The following COG5 variants were observed in gnomAD, a reference collection of about 807,000 sequenced individuals.
COG5 encodes the protein component of oligomeric golgi complex 5.
COG5 carries 86 observed loss-of-function variants against 110.4 expected under a neutral mutation model. The ratio of observed to expected loss-of-function variants is 0.78; its 90% CI spans 0.65 to 0.93. The LOEUF is 0.93. Ranked by LOEUF, COG5 falls within the 40% of genes least tolerant of loss-of-function variation. The pLI is 0.00. For missense variants in COG5, 1,077 were observed against 987.0 expected, an observed-to-expected ratio of 1.09 and a Z score of -1.22; for synonymous variants, 360 against 334.6, an observed-to-expected ratio of 1.08 and a Z score of -0.83.
chr7:107,298,338 A>G lies in COG5; in HGVS notation c.1117T>C (p.Phe373Leu). 1 of 1,612,724 alleles carries G rather than the reference A, an allele frequency of 6.2e-7. No individual in the cohort carries two copies. The highest frequency in any genetic ancestry group is 1.1e-5 in the South Asian group (1 of 91,010). Residue 373 changes from phenylalanine to leucine, a missense_variant, in exon 12 of 22, where the codon TTT (phenylalanine) becomes CTT (leucine). Coordinates refer to ENST00000297135, the MANE Select transcript of COG5 (RefSeq NM_006348.5). ...QFHMATNSSM[F>L]LKQAFEGEYP... is the part of the protein sequence containing the mutation. ...TCTCCTTCAAATGCCTGCTTCAAAA[A>G]CATCGAAGCTGCCAAGCAAAACAAG...
At chr7:107,340,614 T>C (rs572802088) in intron 10 of COG5, among the ~76,000 whole-genome samples, 5 of 151,984 alleles carry the variant, frequency 3.3e-5, no homozygotes, top group Non-Finnish European at 7.4e-5. Flanking sequence ...CTGATAAACA[T>C]AGATGTAAAA....
intron 6 of COG5, among the ~76,000 whole-genome samples, chr7:107,502,450 T>C (rs1206189728): frequency 6.6e-6 from 1 of 152,166 alleles, no homozygotes; most frequent in East Asian, 1.9e-4. Context: ...GTTCCATATC[T>C]TTGAAATTGT....
At chr7:107,348,334 G>A (rs1224075328) in intron 10 of COG5, among the ~76,000 whole-genome samples, 1 of 151,986 alleles carries the variant, frequency 6.6e-6, no homozygotes, top group East Asian at 1.9e-4. Flanking sequence ...TTCACAGAAA[G>A]AGTTGGGCAA....
intron 8 of COG5, among the ~76,000 whole-genome samples, chr7:107,371,016 G>A (rs1418784441): frequency 4.0e-5 from 6 of 151,626 alleles, no homozygotes; most frequent in South Asian, 4.2e-4. Flanking sequence ...CATTCTTGAC[G>A]ACACAAGGGG....
intron 11 of COG5, among the ~76,000 whole-genome samples, chr7:107,308,772 C>T (rs1236784007): frequency 2.0e-5 from 3 of 152,064 alleles, no homozygotes; most frequent in Non-Finnish European, 4.4e-5. Context: ...TTATTTGTAT[C>T]ACTATGAATG....
chr7:107,381,373 T>C (rs990396481), intron 7 of COG5, among the ~76,000 whole-genome samples: 3 of 152,350 alleles, frequency 2.0e-5, no homozygotes, highest in African/African-American at 7.2e-5. Flanking sequence ...ATGTTCAGTC[T>C]TCTTTAGGTT....
At chr7:107,307,264 T>C (rs1299721128) in intron 11 of COG5, among the ~76,000 whole-genome samples, 1 of 152,186 alleles carries the variant, frequency 6.6e-6, no homozygotes, top group Non-Finnish European at 1.5e-5. Context: ...TTGATTTCTG[T>C]TGATCACTCT....
chr7:107,496,899 C>G (rs924699926), intron 6 of COG5, among the ~76,000 whole-genome samples: 4 of 151,998 alleles, frequency 2.6e-5, no homozygotes, highest in Non-Finnish European at 5.9e-5. Context: ...AGACTGAAAG[C>G]TTTTTCCCTA....
At chr7:107,445,520 G>C (rs7787113) in intron 6 of COG5, among the ~76,000 whole-genome samples, 232 of 152,016 alleles carry the variant, frequency 1.5e-3, no homozygotes, top group Middle Eastern at 3.4e-3. Flanking sequence ...GGTTTACTGT[G>C]AATCCATTTT....
intron 16 of COG5, 24 bp downstream of exon 16, chr7:107,256,708 G>T (rs759421944): frequency 1.3e-6 from 2 of 1,539,188 alleles, no homozygotes; most frequent in South Asian, 2.3e-5. Flanking sequence ...TTGATCTATA[G>T]AGTCAAAGAT....
chr7:107,425,236 T>G (rs1304921677), intron 6 of COG5, among the ~76,000 whole-genome samples: 1 of 151,628 alleles, frequency 6.6e-6, no homozygotes, highest in South Asian at 2.1e-4. Flanking sequence ...ATAAATCCAC[T>G]GATAGAAGCC....
chr7:107,334,841 G>A (rs1056131780), intron 10 of COG5, among the ~76,000 whole-genome samples: 24 of 151,368 alleles, frequency 1.6e-4, no homozygotes, highest in Admixed American at 3.3e-4. Flanking sequence ...AAAACCCACC[G>A]TTAAAATTAA....
At chr7:107,376,860 G>A (rs1401042739) in intron 7 of COG5, among the ~76,000 whole-genome samples, 1 of 151,932 alleles carries the variant, frequency 6.6e-6, no homozygotes. Context: ...TATTAAGTAT[G>A]TATTGAGATA....
chr7:107,240,490 A>ACAGGCGTGAGCCACCATGCC (rs1435343307), intron 17 of COG5, among the ~76,000 whole-genome samples: 1 of 152,224 alleles, frequency 6.6e-6, no homozygotes, highest in African/African-American at 2.4e-5. Context: ...TGCTGGGATT[A>ACAGGCGTGAGCCACCATGCC]CAGGCGTGAG....
intron 7 of COG5, among the ~76,000 whole-genome samples, chr7:107,387,436 G>A (rs769725470): frequency 2.6e-5 from 4 of 152,222 alleles, no homozygotes; most frequent in Non-Finnish European, 5.9e-5. Context: ...CTCCAGCTCC[G>A]CAGGAAGCCC....
At chr7:107,432,990 G>T (rs549144395) in intron 6 of COG5, among the ~76,000 whole-genome samples, 67 of 152,032 alleles carry the variant, frequency 4.4e-4, no homozygotes, top group Non-Finnish European at 7.2e-4. Context: ...GAAGTTGTAG[G>T]ATACAAAATC....
intron 6 of COG5, among the ~76,000 whole-genome samples, chr7:107,489,763 C>T (rs903276372): frequency 1.3e-5 from 2 of 152,130 alleles, no homozygotes; most frequent in African/African-American, 2.4e-5. Flanking sequence ...TATTCAACAA[C>T]TAACTTGCAA....
In COG5 at chr7:107,273,092, T is replaced by A. The variant is rs1804413454; in HGVS notation, c.1575+8208A>T. Among the ~76,000 whole-genome samples the A allele has an allele frequency of 2.0e-5, 3 of 152,190 alleles. No individual in the cohort carries two copies. The South Asian group carries it at 6.2e-4, about 32-fold the overall frequency. On this transcript the variant is annotated intron_variant, in intron 14 of 21. Coordinates refer to ENST00000297135, the MANE Select transcript of COG5 (RefSeq NM_006348.5). ...ATTAATCATGCCTCCCTTCATACCA[T>A]TACTACATGTCTCCAATTCAGAACC...
intron 17 of COG5, among the ~76,000 whole-genome samples, chr7:107,242,062 A>G (rs530324781): frequency 3.3e-5 from 5 of 152,304 alleles, no homozygotes; most frequent in South Asian, 2.1e-4. Flanking sequence ...AATTACAGGC[A>G]TAAGCCACTG....
Sources: gnomAD v4.1 joint callset for allele counts (sites outside exome capture counted in the v4.1 genomes callset) on GRCh38, gnomAD v4.1.1 for gene constraint, MANE v1.5 for transcripts, NCBI Gene and HGNC (gene_info 2026-07-23, HGNC 2026-07-21) for gene names.